The following EXOC6B variants were observed in gnomAD, a reference collection of about 807,000 sequenced individuals.
EXOC6B encodes the protein exocyst complex component 6B.
EXOC6B carries 54 observed loss-of-function variants against 113.5 expected under a neutral mutation model. The ratio of observed to expected loss-of-function variants is 0.48; its 90% CI spans 0.38 to 0.60. The LOEUF (loss-of-function observed/expected upper bound fraction) is 0.60. Among genes scored for constraint, EXOC6B ranks in the 20% least tolerant of loss-of-function variants. EXOC6B has a pLI of 0.00. For missense variants in EXOC6B, 797 were observed against 977.5 expected, an observed-to-expected ratio of 0.82 and a Z score of 2.46; for synonymous variants, 357 against 339.0, an observed-to-expected ratio of 1.05 and a Z score of -0.58.
At chr2:72,683,376 T>A (rs905737933) in intron 6 of EXOC6B, among the ~76,000 whole-genome samples, 1 of 152,138 alleles carries the variant, frequency 6.6e-6, no homozygotes, top group African/African-American at 2.4e-5. Flanking sequence ...TATAATAAAA[T>A]TTTTAAAATG....
At chr2:72,737,836 A>G (rs1225322072) in intron 2 of EXOC6B, among the ~76,000 whole-genome samples, 1 of 152,180 alleles carries the variant, frequency 6.6e-6, no homozygotes, top group African/African-American at 2.4e-5. Flanking sequence ...TAGGCAACAG[A>G]GCAAGACTCT....
intron 20 of EXOC6B, among the ~76,000 whole-genome samples, chr2:72,255,425 G>A (rs1683296322): frequency 6.6e-6 from 1 of 152,226 alleles, no homozygotes; most frequent in South Asian, 2.1e-4. Flanking sequence ...CAGAGCCATG[G>A]GTGCAGAAGT....
chr2:72,293,416 T>C (rs1436808220), intron 20 of EXOC6B, among the ~76,000 whole-genome samples: 1 of 152,186 alleles, frequency 6.6e-6, no homozygotes, highest in Non-Finnish European at 1.5e-5. Flanking sequence ...CCATTTATCC[T>C]ACTGGTTAAT....
intron 6 of EXOC6B, among the ~76,000 whole-genome samples, chr2:72,709,487 T>G (rs1679129319): frequency 6.6e-6 from 1 of 152,078 alleles, no homozygotes; most frequent in Admixed American, 6.6e-5. Context: ...CGAGGGTTGC[T>G]GAAAAGAAAC....
chr2:72,793,781 G>A (rs1461375880), intron 1 of EXOC6B, among the ~76,000 whole-genome samples: 1 of 152,144 alleles, frequency 6.6e-6, no homozygotes, highest in East Asian at 1.9e-4. Context: ...AGCTCCTTTT[G>A]CCTCTGAAGA....
intron 18 of EXOC6B, among the ~76,000 whole-genome samples, chr2:72,440,589 C>T (rs145049759): frequency 2.0e-5 from 3 of 152,250 alleles, no homozygotes; most frequent in Non-Finnish European, 4.4e-5. Context: ...CTGAAGTACA[C>T]AGACCAGGTA....
intron 18 of EXOC6B, among the ~76,000 whole-genome samples, chr2:72,410,954 G>T (rs1195269467): frequency 6.6e-6 from 1 of 152,128 alleles, no homozygotes; most frequent in Non-Finnish European, 1.5e-5. Flanking sequence ...CATTCCTATA[G>T]CCCCAGTACT....
rs1011598178 is a variant in EXOC6B, at chr2:72,179,121, C to T, written c.*214G>A. 4.7e-5 allele frequency: 25 copies of T among 532,280 alleles called. No homozygotes were observed. The highest frequency in any genetic ancestry group is 4.7e-4 in the African/African-American group (24 of 51,508). 33.0% of individuals were successfully genotyped at this position (532,280 alleles called of 1,614,324 possible). On this transcript the variant is annotated 3_prime_UTR_variant, in exon 22 of 22. Coordinates refer to ENST00000272427, the MANE Select transcript of EXOC6B (RefSeq NM_015189.3). The stretch of plus-strand genomic sequence containing the variant: ...CACAGATAGTGTAGTAATAACTTCC[C>T]CTGAGTCCCAGCCTAGCAACATCTC...
At chr2:72,508,075 A>T (rs985192062) in intron 11 of EXOC6B, among the ~76,000 whole-genome samples, 2 of 150,722 alleles carry the variant, frequency 1.3e-5, no homozygotes, top group African/African-American at 4.9e-5. Flanking sequence ...AATAAACAAA[A>T]TCAGAAACTT....
intron 20 of EXOC6B, among the ~76,000 whole-genome samples, chr2:72,319,055 A>G (rs527742152): frequency 2.0e-5 from 3 of 152,122 alleles, no homozygotes; most frequent in African/African-American, 4.8e-5. Flanking sequence ...TACAACTCTT[A>G]TATAAATAAT....
chr2:72,407,650 G>A lies in EXOC6B; in HGVS notation c.1981-27780C>T, dbSNP rs899153803. Among the ~76,000 whole-genome samples, 39 of 152,160 alleles carry A rather than the reference G, an allele frequency of 2.6e-4. 1 individual carries two copies. The highest frequency in any genetic ancestry group is 2.0e-4 in the Admixed American group (3 of 15,268). Reference sequence around the variant, plus strand: ...CTCAATAGATGCAGAAAAGGCCTTTGACAAAATTCAACAGCCCTTCATGCT... The same window carrying A: ...CTCAATAGATGCAGAAAAGGCCTTTAACAAAATTCAACAGCCCTTCATGCT... On this transcript the variant is annotated intron_variant, in intron 18 of 21. Coordinates refer to ENST00000272427, the MANE Select transcript of EXOC6B (RefSeq NM_015189.3).
intron 8 of EXOC6B, among the ~76,000 whole-genome samples, chr2:72,537,482 C>T (rs961733050): frequency 1.3e-5 from 2 of 151,462 alleles, no homozygotes; most frequent in South Asian, 4.2e-4. Context: ...CCACAAACAC[C>T]TGGCCAGGCA....
chr2:72,271,481 G>A (rs966046958), intron 20 of EXOC6B, among the ~76,000 whole-genome samples: 2 of 151,954 alleles, frequency 1.3e-5, no homozygotes, highest in Non-Finnish European at 2.9e-5. Context: ...GAAGGAGGCA[G>A]TGAGAGAAGG....
At chr2:72,555,215 T>C (rs753034372) in intron 8 of EXOC6B, among the ~76,000 whole-genome samples, 1 of 152,224 alleles carries the variant, frequency 6.6e-6, no homozygotes, top group Non-Finnish European at 1.5e-5. Flanking sequence ...ACAATAAACA[T>C]ACTTGTGCAT....
intron 8 of EXOC6B, among the ~76,000 whole-genome samples, chr2:72,527,815 A>G (rs1466563036): frequency 6.6e-6 from 1 of 151,936 alleles, no homozygotes; most frequent in East Asian, 1.9e-4. Context: ...TGCTATCAGT[A>G]TATCTGCCTC....
intron 17 of EXOC6B, among the ~76,000 whole-genome samples, chr2:72,465,943 C>A (rs1327344013): frequency 6.6e-6 from 1 of 152,278 alleles, no homozygotes; most frequent in Non-Finnish European, 1.5e-5. Flanking sequence ...TTAATGAAAT[C>A]CAATAGCTTC....
chr2:72,595,523 A>G (rs1345859453), intron 6 of EXOC6B, among the ~76,000 whole-genome samples: 1 of 151,704 alleles, frequency 6.6e-6, no homozygotes, highest in Non-Finnish European at 1.5e-5. Context: ...AAGAAGAGAC[A>G]CAACATGCTT....
intron 6 of EXOC6B, among the ~76,000 whole-genome samples, chr2:72,672,201 CAAAAA>C (rs61678584): frequency 1.9e-5 from 2 of 105,850 alleles, no homozygotes; most frequent in Non-Finnish European, 2.0e-5. Flanking sequence ...GGTATATATC[CAAAAA>C]AAAAAAAAAA....
At chr2:72,199,904 T>C (rs1679388270) in intron 20 of EXOC6B, among the ~76,000 whole-genome samples, 1 of 152,178 alleles carries the variant, frequency 6.6e-6, no homozygotes, top group African/African-American at 2.4e-5. Context: ...TTTATTTTTA[T>C]TTTTATTTTG....
Sources: allele counts gnomAD v4.1 joint callset (sites outside exome capture counted in the v4.1 genomes callset), GRCh38; gene constraint gnomAD v4.1.1; transcripts MANE v1.5; gene names NCBI Gene and HGNC (gene_info 2026-07-23, HGNC 2026-07-21).